Variants in LARGE1 observed in about 807,000 individuals in gnomAD.
The protein encoded by LARGE1 is xylosyl- and glucuronyltransferase LARGE1.
In LARGE1, 43 loss-of-function variants were observed where a neutral mutation model predicts 87.6. The observed-to-expected ratio is 0.49, with a 90% CI of 0.38 to 0.63. The LOEUF is 0.63. LARGE1 is among the 30% of genes least tolerant of loss of function. The probability of loss-of-function intolerance (pLI) is 0.00; values close to 1 mark genes in which losing one functional copy is unlikely to be tolerated. For missense variants in LARGE1, 802 were observed against 1,000.2 expected, an observed-to-expected ratio of 0.80 and a Z score of 2.67; for synonymous variants, 434 against 394.6, an observed-to-expected ratio of 1.10 and a Z score of -1.18.
the LARGE1 span, among the ~76,000 whole-genome samples, chr22:33,083,663 TAA>T: frequency 6.6e-6 from 1 of 152,182 alleles, no homozygotes; most frequent in African/African-American, 2.4e-5. Flanking sequence ...AAGGCTAAAT[TAA>T]TCAGCTTTGT....
chr22:33,614,981 G>A (rs1161310496), intron 4 of LARGE1, among the ~76,000 whole-genome samples: 7 of 152,088 alleles, frequency 4.6e-5, no homozygotes, highest in Non-Finnish European at 8.8e-5. Context: ...GCTTCACCCC[G>A]CTAACTGCGT....
At chr22:33,893,193 A>G (rs2065047635) in intron 1 of LARGE1, among the ~76,000 whole-genome samples, 9 of 152,354 alleles carry the variant, frequency 5.9e-5, no homozygotes, top group Middle Eastern at 3.4e-3. Flanking sequence ...GTAACCGCTA[A>G]AGAAAATACA....
At chr22:33,824,577 A>G (rs2062727788) in intron 1 of LARGE1, among the ~76,000 whole-genome samples, 1 of 152,182 alleles carries the variant, frequency 6.6e-6, no homozygotes, top group Non-Finnish European at 1.5e-5. Flanking sequence ...CATATCACTT[A>G]CACACTCATT....
intron 12 of LARGE1, among the ~76,000 whole-genome samples, chr22:33,288,678 A>C (rs919518083): frequency 6.5e-4 from 99 of 152,176 alleles, no homozygotes; most frequent in African/African-American, 2.4e-3. Context: ...CCTTACCTAA[A>C]ATAAAAAGTG....
intron 7 of LARGE1, among the ~76,000 whole-genome samples, chr22:33,392,523 G>A (rs775642774): frequency 1.3e-5 from 2 of 152,166 alleles, no homozygotes; most frequent in Non-Finnish European, 2.9e-5. Flanking sequence ...GCCAGATGTG[G>A]TGGTGGGTGC....
intron 5 of LARGE1, among the ~76,000 whole-genome samples, chr22:33,585,990 C>T (rs1006909806): frequency 2.6e-5 from 4 of 152,220 alleles, no homozygotes; most frequent in Non-Finnish European, 5.9e-5. Flanking sequence ...TGAGCCACTG[C>T]ACCCGGCCCA....
chr22:33,586,350 T>C (rs1216774005), intron 5 of LARGE1, among the ~76,000 whole-genome samples: 1 of 152,222 alleles, frequency 6.6e-6, no homozygotes, highest in South Asian at 2.1e-4. Context: ...ATGACACCCA[T>C]GATAGTCACA....
chr22:33,151,381 T>TG, the LARGE1 span, among the ~76,000 whole-genome samples: 2 of 152,190 alleles, frequency 1.3e-5, no homozygotes, highest in Non-Finnish European at 2.9e-5. Context: ...TATAGACAAT[T>TG]ATGCCATCTG....
chr22:33,198,070 A>G (rs951670755), intron 11 of LARGE1, among the ~76,000 whole-genome samples: 7 of 152,206 alleles, frequency 4.6e-5, no homozygotes, highest in South Asian at 4.1e-4. Flanking sequence ...ACATGTGCAT[A>G]CAAAAATTAG....
At chr22:33,488,258 G>C (rs558645143) in intron 6 of LARGE1, among the ~76,000 whole-genome samples, 2 of 152,318 alleles carry the variant, frequency 1.3e-5, no homozygotes, top group South Asian at 4.1e-4. Context: ...CATCTCCTGT[G>C]CTCAGTGACC....
At chr22:33,832,028 T>C (rs566152118) in intron 1 of LARGE1, among the ~76,000 whole-genome samples, 1 of 152,332 alleles carries the variant, frequency 6.6e-6, no homozygotes, top group Admixed American at 6.5e-5. Context: ...CTTCTTCCTT[T>C]CACCCAGCTA....
At chr22:33,555,338 T>C (rs1017129386) in intron 6 of LARGE1, among the ~76,000 whole-genome samples, 3 of 151,970 alleles carry the variant, frequency 2.0e-5, no homozygotes, top group African/African-American at 7.3e-5. Flanking sequence ...GTCCTCCCTA[T>C]GGGGTGAGGC....
chr22:33,315,954 G>T, intron 11 of LARGE1, 131 bp downstream of exon 11: 2 of 1,056,928 alleles, frequency 1.9e-6, no homozygotes, highest in Non-Finnish European at 2.8e-6. Context: ...AAGCCCATGT[G>T]CCATCTCTTC....
At chr22:33,711,537 T>C (rs576134849) in intron 2 of LARGE1, among the ~76,000 whole-genome samples, 129 of 152,314 alleles carry the variant, frequency 8.5e-4, no homozygotes, top group African/African-American at 3.0e-3. Flanking sequence ...CATAGGATGC[T>C]GTACAGGAAA....
At chr22:33,727,924 A>T (rs2083320361) in intron 2 of LARGE1, among the ~76,000 whole-genome samples, 2 of 152,144 alleles carry the variant, frequency 1.3e-5, no homozygotes, top group African/African-American at 4.8e-5. Flanking sequence ...ATCAGCAGGG[A>T]GGAGAGGTGA....
rs2083312735 is a variant in LARGE1, at chr22:33,727,704, C to T, written c.106+33667G>A. On this transcript the variant is annotated intron_variant, in intron 2 of 14. Transcript: ENST00000397394. ...CATCTTATAGATGCAGAAAGTAAGA[C>T]CCAGAAGAATCACATGATACACGTG... The T allele has an allele frequency of 2.0e-5, 3 of 152,268 alleles. No individual in the cohort carries two copies. In the South Asian group the frequency reaches 6.2e-4, roughly 32 times the overall value. 9.4% of individuals were successfully genotyped at this position (152,268 alleles called of 1,614,324 possible). A position where few individuals can be genotyped will look rare whatever the true frequency, so the allele number is the denominator to read the frequency against.
At chr22:33,631,123 G>A (rs544452671) in intron 3 of LARGE1, among the ~76,000 whole-genome samples, 273 of 152,030 alleles carry the variant, frequency 1.8e-3, no homozygotes, top group Middle Eastern at 3.4e-3. Flanking sequence ...AAAGTGCTGG[G>A]ATTACAGGCA....
At chr22:33,453,205 A>G (rs2147937396) in intron 6 of LARGE1, among the ~76,000 whole-genome samples, 1 of 152,262 alleles carries the variant, frequency 6.6e-6, no homozygotes, top group Admixed American at 6.5e-5. Flanking sequence ...TTATGAAGTC[A>G]CGAGTTCGAG....
chr22:33,513,259 G>A (rs1398647200), intron 6 of LARGE1, among the ~76,000 whole-genome samples: 1 of 152,190 alleles, frequency 6.6e-6, no homozygotes, highest in Admixed American at 6.5e-5. Context: ...ATTAATGAAA[G>A]GAGAAACCAC....
Sources: allele counts gnomAD v4.1 joint callset (sites outside exome capture counted in the v4.1 genomes callset), GRCh38; gene constraint gnomAD v4.1.1; transcripts MANE v1.5; gene names NCBI Gene and HGNC (gene_info 2026-07-23, HGNC 2026-07-21).